Variants in AP3M1 observed in about 807,000 individuals in gnomAD.
The protein encoded by AP3M1 is AP-3 complex subunit mu-1.
In AP3M1, 29 loss-of-function variants were observed where a neutral mutation model predicts 42.6. The ratio of observed to expected loss-of-function variants is 0.68; its 90% CI spans 0.51 to 0.93. AP3M1 has a LOEUF of 0.93. Ranked by LOEUF, AP3M1 falls within the 40% of genes least tolerant of loss-of-function variation. AP3M1 has a pLI of 0.00. For synonymous variants in AP3M1, 178 were observed against 175.3 expected, an observed-to-expected ratio of 1.02 and a Z score of -0.12; for missense variants, 416 against 510.2, an observed-to-expected ratio of 0.82 and a Z score of 1.78.
At chr10:74,147,120 TAA>T (rs1246500894) in intron 1 of AP3M1, among the ~76,000 whole-genome samples, 2 of 152,012 alleles carry the variant, frequency 1.3e-5, no homozygotes, top group African/African-American at 2.4e-5. Context: ...CCATCTCCAC[TAA>T]AAATACCAAC....
intron 2 of AP3M1, among the ~76,000 whole-genome samples, 164 bp downstream of exon 2, chr10:74,137,943 T>A (rs1204195299): frequency 6.6e-6 from 1 of 152,186 alleles, no homozygotes; most frequent in Admixed American, 6.5e-5. Flanking sequence ...AGAGCAGCCA[T>A]GTGTGTAACT....
chr10:74,123,971 A>C (rs1335379777), intron 8 of AP3M1, 61 bp from the exon 9 acceptor site: 1 of 1,395,528 alleles, frequency 7.2e-7, no homozygotes, highest in Non-Finnish European at 1.0e-6. Context: ...TAATGTTAGC[A>C]ATGAGCGCTA....
chr10:74,122,480 G>A lies in AP3M1; in HGVS notation c.*1330C>T, dbSNP rs1467394957. 5 of 151,700 alleles carry A rather than the reference G, an allele frequency of 3.3e-5. No homozygotes were observed. The highest frequency in any genetic ancestry group is 1.2e-4 in the African/African-American group (5 of 41,262). The allele number at this position is 151,700 out of a possible 1,614,324, so 9.4% of individuals were successfully genotyped here. A position where few individuals can be genotyped will look rare whatever the true frequency, so the allele number is the denominator to read the frequency against. The stretch of plus-strand genomic sequence containing the variant: ...ATGTCTAATGAGGCAAAATAACTGG[G>A]CAAGGACCACCAAGATGAAGAAGTT... On this transcript the variant is annotated 3_prime_UTR_variant, in exon 9 of 9. Transcript: ENST00000355264.
At chr10:74,133,785 G>C (rs1212238809) in intron 4 of AP3M1, among the ~76,000 whole-genome samples, 2 of 151,338 alleles carry the variant, frequency 1.3e-5, no homozygotes, top group Admixed American at 6.6e-5. Context: ...CTCCCGAGTA[G>C]CTGGGATTAC....
Position 74,136,702 on chromosome 10 carries a change from G to A in AP3M1, c.375C>T (p.Thr125=), listed in dbSNP as rs368942772. ...TCAATTCTTTCAAAATGTTAGATTC[G>A]GTAGCCAGTGGAAATCCATTGTCTA... The part of the protein sequence containing the change: ...EMLDNGFPLA[T]ESNILKELIK... The change falls in exon 3 of 9, where the codon ACC becomes ACT. Residue 125 remains threonine, a synonymous_variant. Transcript: ENST00000355264. 2.8e-4 allele frequency: 441 copies of A among 1,594,460 alleles called. No homozygotes were observed. Among genetic ancestry groups the A allele is most frequent in the Non-Finnish European group, 3.4e-4 (401 of 1,165,504 alleles).
intron 2 of AP3M1, 109 bp downstream of exon 2, chr10:74,137,994 CAGAG>C: frequency 2.6e-6 from 3 of 1,135,786 alleles, no homozygotes; most frequent in Non-Finnish European, 3.7e-6. Context: ...TACGCTTAAA[CAGAG>C]AGAGACAGAC....
chr10:74,139,913 CAAA>C (rs35170560), intron 1 of AP3M1, among the ~76,000 whole-genome samples: 3 of 111,626 alleles, frequency 2.7e-5, no homozygotes, highest in Admixed American at 9.4e-5. Flanking sequence ...GACTCCATCT[CAAA>C]AAAAAAAAAA....
chr10:74,144,788 G>A (rs1354059709), intron 1 of AP3M1, among the ~76,000 whole-genome samples: 1 of 151,234 alleles, frequency 6.6e-6, no homozygotes, highest in Non-Finnish European at 1.5e-5. Context: ...TCAGCCTCCC[G>A]AGTAGCTAGG....
At position 74,138,293 on chromosome 10, in the gene AP3M1, A is replaced by G; in HGVS notation, c.87T>C (p.Cys29=). The G allele has an allele frequency of 6.2e-7, 1 of 1,613,864 alleles. No individual in the cohort carries two copies. Among genetic ancestry groups the G allele is most frequent in the South Asian group, 1.1e-5 (1 of 91,050 alleles). Residue 29 remains cysteine (C), a synonymous_variant, in exon 2 of 9, where the codon TGT becomes TGC. Coordinates refer to ENST00000355264, the MANE Select transcript of AP3M1 (RefSeq NM_012095.6). Reference sequence around the variant, plus strand: ...TCTCTTGAGCTTCAAAGAAATAATCACAGACAGACTGGCTCACAACGCTCT... The same window carrying G: ...TCTCTTGAGCTTCAAAGAAATAATCGCAGACAGACTGGCTCACAACGCTCT... The part of the protein sequence containing the change: ...HWKSVVSQSV[C]DYFFEAQEKA...
In AP3M1 at chr10:74,123,793, G is replaced by C; in HGVS notation, c.*17C>G. 6.2e-7 allele frequency: 1 copy of C among 1,602,218 alleles called. No individual in the cohort carries two copies. The highest frequency in any genetic ancestry group is 8.6e-7 in the Non-Finnish European group (1 of 1,169,302). ...CACTTGGAAAACAAACTGGTCCTGA[G>C]GAATTTTGGCCTCTTCTCATGTCCT... On this transcript the variant is annotated 3_prime_UTR_variant, in exon 9 of 9. Transcript: ENST00000355264.
intron 4 of AP3M1, among the ~76,000 whole-genome samples, chr10:74,132,429 G>T (rs1170999550): frequency 1.3e-5 from 2 of 152,082 alleles, no homozygotes; most frequent in Non-Finnish European, 2.9e-5. Flanking sequence ...GGTGGCTGAT[G>T]CCTGTAATCC....
At position 74,126,311 on chromosome 10, in the gene AP3M1, T is replaced by G. The variant is rs201812932; in HGVS notation, c.848A>C (p.Lys283Thr). The change falls in exon 7 of 9, where the codon AAG (lysine) becomes ACG (threonine). Residue 283 changes from lysine to threonine, a missense_variant. Coordinates refer to ENST00000355264, the MANE Select transcript of AP3M1 (RefSeq NM_012095.6). ...PVYVKHSISF[K>T]ENSSCGRFDI... ...AAATCTGCCGCAAGAACTGTTCTCC[T>G]TAAAGCTGATACTATGTTTCACATA... The G allele has an allele frequency of 6.2e-7, 1 of 1,614,160 alleles. No homozygotes were observed. The highest frequency in any genetic ancestry group is 8.5e-7 in the Non-Finnish European group (1 of 1,180,020).
At chr10:74,141,622 C>T (rs559892085) in intron 1 of AP3M1, among the ~76,000 whole-genome samples, 4 of 151,826 alleles carry the variant, frequency 2.6e-5, no homozygotes, top group Admixed American at 6.6e-5. Context: ...AACTAATCTA[C>T]GTTAAATCAA....
chr10:74,129,761 C>T (rs1840720340), intron 5 of AP3M1, 146 bp downstream of exon 5: 1 of 645,302 alleles, frequency 1.5e-6, no homozygotes, highest in African/African-American at 1.8e-5. Context: ...ATGTAAGCGA[C>T]TGTCTTAGGA....
rs1225545870 is a variant in AP3M1 at position 74,124,494 on chromosome 10, G to C, written c.1042C>G (p.Pro348Ala). ...VLTWDVGKIT[P>A]QKLPSLKGLV... ...CCTTTAAGACTTGGGAGCTTTTGTG[G>C]AGTAATTTTTCCCACATCCCATGTT... is the stretch of plus-strand genomic sequence containing the variant. Residue 348 changes from proline to alanine, a missense_variant, in exon 8 of 9, where the codon CCA becomes GCA. Pro to Ala is a conservative substitution (Grantham distance 27). Transcript: ENST00000355264. 6.2e-7 allele frequency: 1 copy of C among 1,610,024 alleles called. No individual in the cohort carries two copies.
At chr10:74,126,123 C>T (rs768846645) in intron 7 of AP3M1, 25 bp downstream of exon 7, 61 of 1,610,224 alleles carry the variant, frequency 3.8e-5, no homozygotes, top group Non-Finnish European at 4.8e-5. Flanking sequence ...AACACTTGCT[C>T]ACTCTTGATT....
chr10:74,150,442 T>C, intron 1 of AP3M1: 1 of 152,422 alleles, frequency 6.6e-6, no homozygotes, highest in Non-Finnish European at 1.5e-5. Context: ...TGGGGTTTTG[T>C]CCTCCAAAGC....
chr10:74,135,048 GTATC>G (rs1332373418), intron 3 of AP3M1, among the ~76,000 whole-genome samples: 34 of 152,024 alleles, frequency 2.2e-4, no homozygotes, highest in Admixed American at 5.2e-4. Flanking sequence ...CAATCATACT[GTATC>G]TACAATTTTG....
intron 3 of AP3M1, among the ~76,000 whole-genome samples, chr10:74,135,731 T>C (rs1295797940): frequency 1.3e-5 from 2 of 152,246 alleles, no homozygotes; most frequent in Non-Finnish European, 2.9e-5. Context: ...TAAAGTCTTA[T>C]ACAGTTATTT....
Sources: allele counts gnomAD v4.1 joint callset (sites outside exome capture counted in the v4.1 genomes callset), GRCh38; gene constraint gnomAD v4.1.1; transcripts MANE v1.5; gene names NCBI Gene and HGNC (gene_info 2026-07-23, HGNC 2026-07-21).